The following TPRG1 variants were observed in gnomAD, a reference collection of about 807,000 sequenced individuals.
TPRG1 encodes the protein tumor protein p63 regulated 1, also known as tumor protein p63-regulated gene 1 protein.
In TPRG1, 29 loss-of-function variants were observed where a neutral mutation model predicts 29.3. That is an observed-to-expected ratio of 0.99 (90% confidence interval 0.74 to 1.35). TPRG1 has a LOEUF of 1.35. TPRG1 is among the 40% of genes most tolerant of loss of function. The pLI is 0.00. For synonymous variants in TPRG1, 130 were observed against 116.8 expected (o/e 1.11, Z -0.73); for missense variants, 327 against 335.0 (o/e 0.98, Z 0.19).
At chr3:189,285,111 C>T (rs1717833839) in intron 4 of TPRG1, among the ~76,000 whole-genome samples, 1 of 152,092 alleles carries the variant, frequency 6.6e-6, no homozygotes, top group Admixed American at 6.5e-5. Flanking sequence ...TCAAACAACC[C>T]CATCAACAAG....
intron 2 of TPRG1, among the ~76,000 whole-genome samples, chr3:189,129,504 A>G (rs1015232863): frequency 2.0e-5 from 3 of 152,160 alleles, no homozygotes. Flanking sequence ...TTATTACTAA[A>G]TATTTTGAGA....
intron 4 of TPRG1, among the ~76,000 whole-genome samples, chr3:189,040,802 TC>T (rs1429616935): frequency 6.6e-6 from 1 of 152,136 alleles, no homozygotes; most frequent in Non-Finnish European, 1.5e-5. Context: ...TGGGCACAAG[TC>T]CCTAGGGACT....
intron 5 of TPRG1, among the ~76,000 whole-genome samples, chr3:189,156,737 G>C (rs1726743528): frequency 6.6e-6 from 1 of 152,178 alleles, no homozygotes; most frequent in Non-Finnish European, 1.5e-5. Flanking sequence ...CTATCTATCA[G>C]TATTTCCTCG....
At chr3:189,107,733 C>G (rs1176839832) in intron 1 of TPRG1, among the ~76,000 whole-genome samples, 1 of 152,096 alleles carries the variant, frequency 6.6e-6, no homozygotes, top group African/African-American at 2.4e-5. Flanking sequence ...AAGTTTTTTA[C>G]TAAATTGATA....
intron 4 of TPRG1, among the ~76,000 whole-genome samples, chr3:189,293,806 C>T (rs1719416689): frequency 1.3e-5 from 2 of 152,176 alleles, no homozygotes; most frequent in African/African-American, 2.4e-5. Context: ...ACTGTTCTCC[C>T]TTGCTTTTAC....
At chr3:189,095,673 C>A (rs184674262), upstream of TPRG1, among the ~76,000 whole-genome samples, 11 of 152,310 alleles carry the variant, frequency 7.2e-5, no homozygotes, top group Non-Finnish European at 1.5e-4. Context: ...TTTCTCTCCC[C>A]TGAATGTCTT....
intron 3 of TPRG1, among the ~76,000 whole-genome samples, chr3:189,234,849 G>T (rs1363142688): frequency 6.6e-6 from 1 of 152,150 alleles, no homozygotes; most frequent in African/African-American, 2.4e-5. Context: ...AAATATGTGT[G>T]GTCTGAAAGT....
chr3:189,105,408 C>T (rs762416984), intron 1 of TPRG1, among the ~76,000 whole-genome samples: 4 of 152,058 alleles, frequency 2.6e-5, no homozygotes, highest in Non-Finnish European at 4.4e-5. Context: ...ATTTCTCCAC[C>T]CTACCATATT....
At chr3:189,277,052 C>T (rs951067989) in intron 4 of TPRG1, among the ~76,000 whole-genome samples, 1 of 152,080 alleles carries the variant, frequency 6.6e-6, no homozygotes, top group Non-Finnish European at 1.5e-5. Flanking sequence ...CTGGGTGAGA[C>T]GCTGCTCGAG....
At chr3:189,054,326 C>T (rs188539034) in intron 4 of TPRG1, among the ~76,000 whole-genome samples, 1 of 151,752 alleles carries the variant, frequency 6.6e-6, no homozygotes, top group East Asian at 2.0e-4. Flanking sequence ...GTTTGTGGCA[C>T]CCCAAAACAA....
At chr3:189,047,132 T>A (rs187762225) in intron 4 of TPRG1, among the ~76,000 whole-genome samples, 38 of 152,158 alleles carry the variant, frequency 2.5e-4, no homozygotes, top group Non-Finnish European at 1.5e-5. Flanking sequence ...GTAAGAGATA[T>A]ATCATATATA....
chr3:189,269,224 G>A (rs1420986892), intron 4 of TPRG1, among the ~76,000 whole-genome samples: 1 of 151,574 alleles, frequency 6.6e-6, no homozygotes, highest in Admixed American at 6.6e-5. Flanking sequence ...CAATGTTTTG[G>A]GTACTCCAGT....
At chr3:189,079,047 G>T (rs957163500) in intron 4 of TPRG1, among the ~76,000 whole-genome samples, 1 of 152,116 alleles carries the variant, frequency 6.6e-6, no homozygotes, top group African/African-American at 2.4e-5. Flanking sequence ...TGCTCACATC[G>T]CATCTGCTTC....
chr3:189,038,001 T>G (rs927413420), intron 4 of TPRG1, among the ~76,000 whole-genome samples: 2 of 151,018 alleles, frequency 1.3e-5, no homozygotes. Flanking sequence ...TTTTGCCAAA[T>G]TAAATAAAAA....
chr3:189,036,004 A>G (rs1202132603), intron 4 of TPRG1, among the ~76,000 whole-genome samples: 2 of 152,208 alleles, frequency 1.3e-5, no homozygotes, highest in Admixed American at 1.3e-4. Flanking sequence ...ACAATAGGAA[A>G]GACATGGAAT....
chr3:189,206,012 T>TTTCCTTCCTTCCTTCCTTCCTTCC (rs149478955), intron 1 of TPRG1, among the ~76,000 whole-genome samples: 8,920 of 125,522 alleles, frequency 0.071, 567 homozygotes, highest in Non-Finnish European at 0.085. Flanking sequence ...TGCAGGTACA[T>TTTCCTTCCTTCCTTCCTTCCTTCC]TTCCTTCCTT....
At chr3:189,206,808 C>CGTGTGTGTGTGTGTATGTGT (rs1734449754) in intron 1 of TPRG1, among the ~76,000 whole-genome samples, 1 of 147,626 alleles carries the variant, frequency 6.8e-6, no homozygotes, top group South Asian at 2.2e-4. Flanking sequence ...GCTGAACAAC[C>CGTGTGTGTGTGTGTATGTGT]GTGTGTGTGT....
At chr3:189,300,238 A>T (rs1280593433) in intron 4 of TPRG1, among the ~76,000 whole-genome samples, 1 of 152,232 alleles carries the variant, frequency 6.6e-6, no homozygotes, top group Non-Finnish European at 1.5e-5. Flanking sequence ...CTACTACTTA[A>T]TGTCTTTAGA....
intron 4 of TPRG1, among the ~76,000 whole-genome samples, chr3:189,266,585 C>G (rs1283146585): frequency 6.6e-6 from 1 of 152,080 alleles, no homozygotes; most frequent in African/African-American, 2.4e-5. Context: ...ATCAAGAAAG[C>G]ACATGTGAAA....
Sources: allele counts gnomAD v4.1 joint callset (sites outside exome capture counted in the v4.1 genomes callset), GRCh38; gene constraint gnomAD v4.1.1; transcripts MANE v1.5; gene names NCBI Gene and HGNC (gene_info 2026-07-23, HGNC 2026-07-21).